Variants in NCAM1 observed in about 807,000 individuals in gnomAD.
NCAM1 encodes the protein neural cell adhesion molecule 1.
A neutral mutation model predicts 109.8 loss-of-function variants in NCAM1; 14 were observed. The observed-to-expected ratio is 0.13, with a 90% CI of 0.08 to 0.20. The LOEUF (loss-of-function observed/expected upper bound fraction) is 0.20, where lower values mean the gene tolerates loss of function less well. Among genes scored for constraint, NCAM1 ranks in the 10% least tolerant of loss-of-function variants. The pLI is 1.00. For synonymous variants in NCAM1, 418 were observed against 442.9 expected, an observed-to-expected ratio of 0.94 and a Z score of 0.70; for missense variants, 774 against 1,109.9, an observed-to-expected ratio of 0.70 and a Z score of 4.30.
intron 1 of NCAM1, chr11:113,130,631 AT>A (rs1941350380): frequency 6.6e-6 from 1 of 152,164 alleles, no homozygotes; most frequent in South Asian, 2.1e-4. Context: ...TTGTCTTGTT[AT>A]TTTATTTGAT....
chr11:113,210,344 C>G (rs1291876536), intron 7 of NCAM1, among the ~76,000 whole-genome samples: 4 of 152,144 alleles, frequency 2.6e-5, no homozygotes, highest in Admixed American at 2.0e-4. Flanking sequence ...AAGGAGGAAC[C>G]TGATCACAGA....
At chr11:113,007,441 G>T (rs1951919335) in intron 1 of NCAM1, among the ~76,000 whole-genome samples, 1 of 152,148 alleles carries the variant, frequency 6.6e-6, no homozygotes, top group Non-Finnish European at 1.5e-5. Context: ...ACAAAACAAT[G>T]CAAATAAAAC....
intron 1 of NCAM1, among the ~76,000 whole-genome samples, chr11:113,037,440 A>AAAT (rs1435525734): frequency 6.6e-6 from 1 of 152,080 alleles, no homozygotes; most frequent in Non-Finnish European, 1.5e-5. Flanking sequence ...AACAGTAATA[A>AAAT]AATAACAGAA....
intron 1 of NCAM1, among the ~76,000 whole-genome samples, chr11:113,060,916 G>T (rs114458306): frequency 0.01 from 1,530 of 152,258 alleles, 26 homozygotes; most frequent in African/African-American, 0.035. Context: ...AAGAATGGTG[G>T]TTAAGAACAC....
chr11:113,141,509 C>T (rs1458336692), intron 1 of NCAM1, among the ~76,000 whole-genome samples: 8 of 152,064 alleles, frequency 5.3e-5, no homozygotes, highest in African/African-American at 9.7e-5. Context: ...AATAGCTGGG[C>T]GCGGTGGTGT....
intron 1 of NCAM1, among the ~76,000 whole-genome samples, chr11:112,992,048 C>G (rs1951470900): frequency 6.6e-6 from 1 of 152,054 alleles, no homozygotes; most frequent in African/African-American, 2.4e-5. Flanking sequence ...TTGAGAGGAA[C>G]AGGGAAGAGG....
intron 1 of NCAM1, among the ~76,000 whole-genome samples, chr11:113,141,049 T>G (rs187252647): frequency 6.6e-6 from 1 of 152,200 alleles, no homozygotes. Flanking sequence ...TAGTATTATC[T>G]TCAATACACT....
At chr11:113,239,746 T>G (rs529725847) in intron 14 of NCAM1, among the ~76,000 whole-genome samples, 1 of 152,338 alleles carries the variant, frequency 6.6e-6, no homozygotes, top group Non-Finnish European at 1.5e-5. Flanking sequence ...GAAGGAGACC[T>G]GAATTAACCA....
chr11:113,164,394 T>C (rs1245561459), intron 1 of NCAM1, among the ~76,000 whole-genome samples: 1 of 152,134 alleles, frequency 6.6e-6, no homozygotes, highest in African/African-American at 2.4e-5. Context: ...ACTGTCTACC[T>C]GGAGTTAGAG....
At chr11:113,022,911 TA>T (rs1158646065) in intron 1 of NCAM1, among the ~76,000 whole-genome samples, 2 of 152,158 alleles carry the variant, frequency 1.3e-5, no homozygotes, top group Non-Finnish European at 2.9e-5. Context: ...ACAAAAAGGA[TA>T]ATCTTTTCTT....
chr11:113,180,034 T>A (rs146670512), intron 1 of NCAM1, among the ~76,000 whole-genome samples: 1,901 of 152,290 alleles, frequency 0.012, 36 homozygotes, highest in African/African-American at 0.043. Flanking sequence ...GACCCCAGAT[T>A]CCTGGGCAAC....
chr11:113,083,617 T>C (rs1470732879), intron 1 of NCAM1, among the ~76,000 whole-genome samples: 1 of 152,226 alleles, frequency 6.6e-6, no homozygotes, highest in Non-Finnish European at 1.5e-5. Context: ...TGCTTTTCAG[T>C]ATGTTTGGCA....
chr11:113,052,248 GA>G (rs1304284858), intron 1 of NCAM1, among the ~76,000 whole-genome samples: 2 of 152,184 alleles, frequency 1.3e-5, no homozygotes, highest in Admixed American at 6.5e-5. Context: ...TCAAATGGGA[GA>G]AAACTTGAAC....
At chr11:113,220,412 C>T (rs770958652) in intron 8 of NCAM1, among the ~76,000 whole-genome samples, 105 of 152,124 alleles carry the variant, frequency 6.9e-4, no homozygotes, top group Non-Finnish European at 1.3e-3. Context: ...GTCTCAAGGA[C>T]TTCATACTTC....
Position 113,274,093 on chromosome 11 carries a change from G to A in NCAM1, c.2457-1174G>A, listed in dbSNP as rs1391979605. ...AAGGTGCCCTTATCAGCCACCCTGG[G>A]GCCCCCAGTCGGTGTGTTATTCAGT... is the stretch of plus-strand genomic sequence containing the variant. On this transcript the variant is annotated intron_variant, in intron 19 of 19. Transcript: ENST00000316851. The surrounding 1 kb of genome is among the most constrained non-coding windows in gnomAD (Gnocchi z 4.1). 6.6e-6 allele frequency among the ~76,000 whole-genome samples: 1 copy of A among 152,158 alleles called. No individual in the cohort carries two copies. Among genetic ancestry groups the A allele is most frequent in the Non-Finnish European group, 1.5e-5 (1 of 68,014 alleles).
intron 1 of NCAM1, among the ~76,000 whole-genome samples, chr11:113,137,979 C>T (rs1437481820): frequency 6.6e-6 from 1 of 151,752 alleles, no homozygotes; most frequent in Non-Finnish European, 1.5e-5. Flanking sequence ...ACAAAAAATG[C>T]AGACATATCT....
At chr11:113,192,322 C>A (rs1281920385) in intron 1 of NCAM1, among the ~76,000 whole-genome samples, 1 of 152,172 alleles carries the variant, frequency 6.6e-6, no homozygotes, top group Non-Finnish European at 1.5e-5. Context: ...AGCTGAGTTC[C>A]AAACATCAAT....
intron 16 of NCAM1, among the ~76,000 whole-genome samples, chr11:113,258,650 A>G (rs1336002845): frequency 1.3e-5 from 2 of 152,236 alleles, no homozygotes; most frequent in South Asian, 2.1e-4. Flanking sequence ...AAAATAACTC[A>G]AATGTTTCTA....
At position 113,270,350 on chromosome 11, in the gene NCAM1, C is replaced by G. The variant is rs1555125049; in HGVS notation, c.2294C>G (p.Pro765Arg). The change falls in exon 18 of 20, where the codon CCC becomes CGC. Residue 765 changes from proline to arginine, a missense_variant. Coordinates refer to ENST00000316851, the MANE Select transcript of NCAM1 (RefSeq NM_181351.5). ...IAVNLCGKAGPGAKGKDMEEG... is the reference protein window; with the variant it reads ...IAVNLCGKAGRGAKGKDMEEG... ...GTCAACCTGTGTGGAAAAGCCGGGC[C>G]CGGGGCCAAGGGCAAGGACATGGAG... The G allele has an allele frequency of 6.2e-7, 1 of 1,613,872 alleles. No individual in the cohort carries two copies. The highest frequency in any genetic ancestry group is 1.3e-5 in the African/African-American group (1 of 74,904).
Sources: gnomAD v4.1 joint callset for allele counts (sites outside exome capture counted in the v4.1 genomes callset) on GRCh38, gnomAD v4.1.1 for gene constraint, Gnocchi (gnomAD v3.1) non-coding constraint, MANE v1.5 for transcripts, NCBI Gene and HGNC (gene_info 2026-07-23, HGNC 2026-07-21) for gene names.